ZBED4: variants seen among roughly 807,000 people sequenced by gnomAD.
ZBED4 encodes zinc finger BED-type containing 4, also known as zinc finger BED domain-containing protein 4.
A neutral mutation model predicts 15.5 loss-of-function variants in ZBED4; 4 were observed. The ratio of observed to expected loss-of-function variants is 0.26; its 90% CI spans 0.13 to 0.59. The LOEUF is 0.59. Among genes scored for constraint, ZBED4 ranks in the 20% least tolerant of loss-of-function variants. The pLI, the probability that ZBED4 is intolerant of heterozygous loss-of-function variation, is 0.90. For missense variants in ZBED4, 1,323 were observed against 1,461.8 expected (o/e 0.91, Z 1.55); for synonymous variants, 692 against 608.5 (o/e 1.14, Z -2.02).
At position 49,883,882 on chromosome 22, in the gene ZBED4, T is replaced by A; in HGVS notation, c.220T>A (p.Tyr74Asn). 1.2e-6 allele frequency: 2 copies of A among 1,606,580 alleles called. No individual in the cohort carries two copies. Among genetic ancestry groups the A allele is most frequent in the Non-Finnish European group, 1.7e-6 (2 of 1,174,422 alleles). Residue 74 changes from tyrosine (Y) to asparagine (N), a missense_variant, in exon 2 of 2, where the codon TAC becomes AAC. Around this residue, in one of 6 missense-constraint regions of ZBED4, gnomAD observed 380 missense variants for 413.7 expected, o/e 0.92. Transcript: ENST00000216268. ...TTGCAGCTGCAAGCCCCCGGGGAAG[T>A]ACTTGTCTGCAGAGAGTGAGGATGA... ...TGCSCKPPGK[Y>N]LSAESEDDYG...
intron 1 of ZBED4, among the ~76,000 whole-genome samples, chr22:49,867,429 A>G (rs2060327192): frequency 6.6e-6 from 1 of 152,158 alleles, no homozygotes; most frequent in South Asian, 2.1e-4. Flanking sequence ...GGCTGACGGT[A>G]TTGCTCAAGT....
Position 49,885,102 on chromosome 22 carries a change from C to T in ZBED4, c.1440C>T (p.Cys480=), listed in dbSNP as rs202162671. 18 of 1,613,744 alleles carry T rather than the reference C, an allele frequency of 1.1e-5. No homozygotes were observed. The highest frequency in any genetic ancestry group is 2.2e-5 in the South Asian group (2 of 91,026). The change falls in exon 2 of 2, where the codon TGC becomes TGT. Residue 480 remains cysteine (C), a synonymous_variant. Transcript: ENST00000216268. ...MDSLKAECRY[C]GCAISRGKKG... Reference sequence around the variant, plus strand: ...GCCTCAAGGCCGAGTGTCGGTACTGCGGCTGTGCCATCAGCCGGGGGAAGA... The same window carrying T: ...GCCTCAAGGCCGAGTGTCGGTACTGTGGCTGTGCCATCAGCCGGGGGAAGA...
chr22:49,881,604 C>T (rs1294552339), intron 1 of ZBED4, among the ~76,000 whole-genome samples: 1 of 152,212 alleles, frequency 6.6e-6, no homozygotes, highest in Non-Finnish European at 1.5e-5. Context: ...CTTCAAACTC[C>T]TGCCCTCAAG....
chr22:49,869,121 C>CA (rs113863967), intron 1 of ZBED4, among the ~76,000 whole-genome samples: 15,196 of 93,222 alleles, frequency 0.16, 2,049 homozygotes, highest in African/African-American at 0.38. Context: ...AAAACTGTCT[C>CA]AAAAAAAAAA....
chr22:49,887,682 T>TA lies in ZBED4; in HGVS notation c.*504_*505insA, dbSNP rs1460457793. The TA allele has an allele frequency of 5.9e-6, 1 of 169,514 alleles. No homozygotes were observed. The highest frequency in any genetic ancestry group is 1.4e-5 in the Non-Finnish European group (1 of 69,628). 10.5% of individuals were successfully genotyped at this position (169,514 alleles called of 1,614,324 possible). On this transcript the variant is annotated 3_prime_UTR_variant, in exon 2 of 2. Transcript: ENST00000216268. The stretch of plus-strand genomic sequence containing the variant: ...TGACTGAGCAGTTTTTAACCGCAGG[T>TA]TCTAAAGTGTCCCGCGGAGTACAGA...
Position 49,885,863 on chromosome 22 carries a change from T to C in ZBED4, c.2201T>C (p.Ile734Thr), listed in dbSNP as rs1272524803. Residue 734 changes from isoleucine (I) to threonine (T), a missense_variant, in exon 2 of 2, where the codon ATA (isoleucine) becomes ACA (threonine). Around this residue, in one of 6 missense-constraint regions of ZBED4, gnomAD observed 89 missense variants for 129.8 expected, o/e 0.69. Coordinates refer to ENST00000216268, the MANE Select transcript of ZBED4 (RefSeq NM_014838.3). ...ESGVIHFTSG[I>T]WMSNQTREYL... The stretch of plus-strand genomic sequence containing the variant: ...GGTGTGATCCACTTCACGTCTGGAA[T>C]ATGGATGAGTAACCAGACCCGTGAG... The C allele has an allele frequency of 9.5e-6, 13 of 1,367,296 alleles. No individual in the cohort carries two copies. Among genetic ancestry groups the C allele is most frequent in the Non-Finnish European group, 1.4e-5 (13 of 958,140 alleles). 84.7% of individuals were successfully genotyped at this position (1,367,296 alleles called of 1,614,324 possible). A position where few individuals can be genotyped will look rare whatever the true frequency, so the allele number is the denominator to read the frequency against.
At chr22:49,879,990 C>T (rs758674935) in intron 1 of ZBED4, among the ~76,000 whole-genome samples, 18 of 151,314 alleles carry the variant, frequency 1.2e-4, no homozygotes, top group Admixed American at 6.6e-4. Flanking sequence ...CCCGCTTCAT[C>T]GCAGGTCTGG....
chr22:49,857,487 C>G (rs1407278530), intron 1 of ZBED4, among the ~76,000 whole-genome samples: 1 of 152,244 alleles, frequency 6.6e-6, no homozygotes, highest in Non-Finnish European at 1.5e-5. Context: ...TTCCAAGACG[C>G]CCTTACCTGG....
intron 1 of ZBED4, among the ~76,000 whole-genome samples, chr22:49,855,125 G>A (rs1652114540): frequency 6.6e-6 from 1 of 152,100 alleles, no homozygotes; most frequent in African/African-American, 2.4e-5. Context: ...CCAATGGGAC[G>A]TCCGTACAAG....
intron 1 of ZBED4, among the ~76,000 whole-genome samples, chr22:49,871,488 T>TA (rs923379221): frequency 1.5e-4 from 23 of 150,506 alleles, no homozygotes; most frequent in Middle Eastern, 3.4e-3. Context: ...GTCTCAAAAA[T>TA]AAAAAAAAAG....
chr22:49,854,568 T>C (rs1167580227), intron 1 of ZBED4, among the ~76,000 whole-genome samples: 1 of 152,188 alleles, frequency 6.6e-6, no homozygotes, highest in Non-Finnish European at 1.5e-5. Flanking sequence ...ATTTCAAATG[T>C]TTTTCGACTG....
At chr22:49,881,718 G>A (rs1186513602) in intron 1 of ZBED4, among the ~76,000 whole-genome samples, 1 of 152,088 alleles carries the variant, frequency 6.6e-6, no homozygotes, top group African/African-American at 2.4e-5. Flanking sequence ...GTTTTGTAGA[G>A]AACAGGGTCT....
At chr22:49,870,824 T>C (rs1020806245) in intron 1 of ZBED4, among the ~76,000 whole-genome samples, 2 of 152,184 alleles carry the variant, frequency 1.3e-5, no homozygotes, top group African/African-American at 2.4e-5. Flanking sequence ...CAGAGGCTCT[T>C]TAGTTAGGTC....
At position 49,886,662 on chromosome 22, in the gene ZBED4, G is replaced by A. The variant is rs369998026; in HGVS notation, c.3000G>A (p.Pro1000=). The A allele has an allele frequency of 1.1e-4, 170 of 1,608,696 alleles. No homozygotes were observed. Among genetic ancestry groups the A allele is most frequent in the Middle Eastern group, 3.3e-4 (2 of 6,030 alleles). ...GCCTGTCTGCCACCCTCCACGACCC[G>A]CGGTACGTCTTCGCCACGCTGCTGG... ...VSRLSATLHD[P]RYVFATLLDP... The change falls in exon 2 of 2, where the codon CCG becomes CCA. Residue 1000 remains proline, a synonymous_variant. Coordinates refer to ENST00000216268, the MANE Select transcript of ZBED4 (RefSeq NM_014838.3). The surrounding 1 kb of genome is among the most constrained non-coding windows in gnomAD (Gnocchi z 7.7).
chr22:49,887,309 C>A lies in ZBED4; in HGVS notation c.*131C>A. The A allele has an allele frequency of 1.0e-6, 1 of 986,060 alleles. No homozygotes were observed. 61.1% of individuals were successfully genotyped at this position (986,060 alleles called of 1,614,324 possible). ...AGGCACTCTCAGGGCCGCTCTCCAG[C>A]TCACCACAGTGTCTCCACGTGCCTT... On this transcript the variant is annotated 3_prime_UTR_variant, in exon 2 of 2. Transcript: ENST00000216268.
At chr22:49,870,968 TCTCA>T (rs2060344241) in intron 1 of ZBED4, among the ~76,000 whole-genome samples, 1 of 146,484 alleles carries the variant, frequency 6.8e-6, no homozygotes, top group African/African-American at 2.6e-5. Flanking sequence ...TGAGATGGAG[TCTCA>T]CTCTGTTACC....
At chr22:49,869,528 G>T (rs922202192) in intron 1 of ZBED4, among the ~76,000 whole-genome samples, 1 of 152,178 alleles carries the variant, frequency 6.6e-6, no homozygotes, top group Non-Finnish European at 1.5e-5. Flanking sequence ...GGGAATATTT[G>T]TACTGCTTAC....
rs369264661 is a variant in ZBED4, at chr22:49,886,895, A to G, written c.3233A>G (p.Glu1078Gly). The change falls in exon 2 of 2, where the codon GAA (glutamate) becomes GGA (glycine). Residue 1078 changes from glutamate (E) to glycine (G), a missense_variant. By Grantham distance (98) the Glu-to-Gly change is moderately conservative (BLOSUM62 -2). Around this residue, in one of 6 missense-constraint regions of ZBED4, gnomAD observed 312 missense variants for 410.7 expected, o/e 0.76. Coordinates refer to ENST00000216268, the MANE Select transcript of ZBED4 (RefSeq NM_014838.3). This position sits in a 1 kb window ranked among gnomAD's most constrained non-coding sequence, Gnocchi z 7.7. ...AAGGTGAAGAAGAAAGACCCAAGAG[A>G]AAAGCTGCCTGAAGCCATGGTGCTT... ...VAKVKKKDPREKLPEAMVLAY... is the reference protein window; with the variant it reads ...VAKVKKKDPRGKLPEAMVLAY... 3 of 1,614,112 alleles carry G rather than the reference A, an allele frequency of 1.9e-6. No individual in the cohort carries two copies. Among genetic ancestry groups the G allele is most frequent in the Non-Finnish European group, 2.5e-6 (3 of 1,180,038 alleles).
chr22:49,856,524 T>C (rs971057632), intron 1 of ZBED4, among the ~76,000 whole-genome samples: 1 of 152,198 alleles, frequency 6.6e-6, no homozygotes, highest in South Asian at 2.1e-4. Context: ...GGCATCCCAG[T>C]GCGTACCTCC....
Sources: gnomAD v4.1 joint callset for allele counts (sites outside exome capture counted in the v4.1 genomes callset) on GRCh38, gnomAD v4.1.1 for gene constraint, gnomAD v4.1.1 regional missense constraint, Gnocchi (gnomAD v3.1) non-coding constraint, MANE v1.5 for transcripts, NCBI Gene and HGNC (gene_info 2026-07-23, HGNC 2026-07-21) for gene names.